Variants in VILL observed in about 807,000 individuals in gnomAD.
VILL encodes villin like.
VILL carries 102 observed loss-of-function variants against 106.3 expected under a neutral mutation model. The ratio of observed to expected loss-of-function variants is 0.96; its 90% CI spans 0.82 to 1.13. VILL has a LOEUF of 1.13. Ranked by LOEUF, VILL falls within the 50% of genes most tolerant of loss-of-function variation. The probability of loss-of-function intolerance (pLI) is 0.00; values close to 1 mark genes in which losing one functional copy is unlikely to be tolerated. For missense variants in VILL, 1,076 were observed against 1,116.6 expected (o/e 0.96, Z 0.52); for synonymous variants, 431 against 440.3 (o/e 0.98, Z 0.27).
chr3:38,004,790 G>A (rs1699884392), intron 16 of VILL, among the ~76,000 whole-genome samples: 1 of 152,214 alleles, frequency 6.6e-6, no homozygotes, highest in East Asian at 1.9e-4. Flanking sequence ...CTTGGTGTGA[G>A]TGTTTGCCTT....
rs1054919734 is a variant in VILL, at chr3:38,006,970, A to G, written c.2486A>G (p.Asp829Gly). 33 of 1,613,950 alleles carry G rather than the reference A, an allele frequency of 2.0e-5. No homozygotes were observed. The highest frequency in any genetic ancestry group is 2.5e-5 in the Non-Finnish European group (29 of 1,179,996). The stretch of plus-strand genomic sequence containing the variant: ...TATCTCTCAGACTCTGACTTCCAAG[A>G]TATCTTTGGGAAATCCAAGGAGGAA... Reference protein sequence around the residue: ...EFYLSDSDFQDIFGKSKEEFY... With the variant: ...EFYLSDSDFQGIFGKSKEEFY... The change falls in exon 20 of 20, where the codon GAT (aspartate) becomes GGT (glycine). Residue 829 changes from aspartate (D) to glycine (G), a missense_variant. By Grantham distance (94) the Asp-to-Gly change is moderately conservative. Transcript: ENST00000383759.
chr3:38,006,772 C>T (rs958895713), intron 19 of VILL, 72 bp downstream of exon 19: 14 of 1,546,464 alleles, frequency 9.1e-6, no homozygotes, highest in Non-Finnish European at 1.2e-5. Flanking sequence ...GCAGGATCCA[C>T]TGGTGGCGGG....
In VILL at chr3:37,999,428, G is replaced by A; in HGVS notation, c.1171G>A (p.Gly391Arg). 3 of 1,484,572 alleles carry A rather than the reference G, an allele frequency of 2.0e-6. No homozygotes were observed. Among genetic ancestry groups the A allele is most frequent in the Non-Finnish European group, 2.7e-6 (3 of 1,120,274 alleles). 92.0% of individuals were successfully genotyped at this position (1,484,572 alleles called of 1,614,324 possible). A position where few individuals can be genotyped will look rare whatever the true frequency, so the allele number is the denominator to read the frequency against. Residue 391 changes from glycine (G) to arginine (R), a missense_variant, in exon 11 of 20, where the codon GGG (glycine) becomes AGG (arginine). Physicochemically the swap from Gly to Arg is moderately radical, Grantham distance 125. Transcript: ENST00000383759. ...GCTCAGGATGGTGGACGACGGCTCT[G>A]GGAAGGTGGAGGTGAGGGGTACTGG... ...AQLRMVDDGS[G>R]KVEVWCIQDL...
intron 3 of VILL, 137 bp from the exon 4 acceptor site, chr3:37,994,124 A>G: frequency 7.2e-7 from 1 of 1,396,866 alleles, no homozygotes; most frequent in Non-Finnish European, 1.0e-6. Flanking sequence ...GAGGCTTCTT[A>G]GTCCTTCCCT....
rs768512651 is a variant in VILL, at chr3:37,998,409, G to C, written c.942+45G>C. On this transcript the variant is annotated intron_variant, in intron 9 of 19. Transcript: ENST00000383759. This position sits in a 1 kb window ranked among gnomAD's most constrained non-coding sequence, Gnocchi z 4.1. ...CTGAGAGGAACAGAGCACTGCCCTG[G>C]GGTCTGAGTGGGGAGGCAGCTCCGC... 5 of 1,572,478 alleles carry C rather than the reference G, an allele frequency of 3.2e-6. No individual in the cohort carries two copies. Among genetic ancestry groups the C allele is most frequent in the Non-Finnish European group, 4.4e-6 (5 of 1,143,576 alleles).
At position 38,001,533 on chromosome 3, in the gene VILL, C is replaced by T; in HGVS notation, c.1260C>T (p.Tyr420=). Residue 420 remains tyrosine, a synonymous_variant, in exon 12 of 20, where the codon TAC becomes TAT. Transcript: ENST00000383759. Reference sequence around the variant, plus strand: ...GACAGCTGTGTGCAGGCAACTGCTACCTTGTGCTCTACACATACCAGAGGC... The same window carrying T: ...GACAGCTGTGTGCAGGCAACTGCTATCTTGTGCTCTACACATACCAGAGGC... ...RHGQLCAGNC[Y]LVLYTYQRLG... is the part of the protein sequence containing the mutation. 1 of 1,614,240 alleles carries T rather than the reference C, an allele frequency of 6.2e-7. No individual in the cohort carries two copies.
At position 37,994,445 on chromosome 3, in the gene VILL, G is replaced by A; in HGVS notation, c.320G>A (p.Ser107Asn). The A allele has an allele frequency of 6.2e-7, 1 of 1,612,606 alleles. No homozygotes were observed. Among genetic ancestry groups the A allele is most frequent in the Non-Finnish European group, 8.5e-7 (1 of 1,179,846 alleles). ...AQGHESDCFC[S>N]YFRPGIIYRK... ...GGCCACGAGTCCGACTGCTTCTGCAGCTACTTCCGCCCGGGAATCATGTGA... is the reference window on the plus strand; with the variant it reads ...GGCCACGAGTCCGACTGCTTCTGCAACTACTTCCGCCCGGGAATCATGTGA... The change falls in exon 4 of 20, where the codon AGC becomes AAC. Residue 107 changes from serine to asparagine, a missense_variant. Ser to Asn is a conservative substitution (Grantham distance 46). Transcript: ENST00000383759.
chr3:37,993,359 G>T, intron 1 of VILL: 15 of 347,846 alleles, frequency 4.3e-5, no homozygotes, highest in Admixed American at 1.4e-4. Context: ...GGTGGAGGTT[G>T]CAGTGAAGTG....
In VILL at chr3:38,005,951, A is replaced by ACTC; in HGVS notation, c.2112_2113insCCT (p.Thr704_Trp705insPro). The ACTC allele has an allele frequency of 1.2e-6, 2 of 1,613,162 alleles. No homozygotes were observed. Among genetic ancestry groups the ACTC allele is most frequent in the Non-Finnish European group, 1.7e-6 (2 of 1,179,420 alleles). On this transcript the variant is annotated inframe_insertion, in exon 17 of 20. Transcript: ENST00000383759. ...TCCCACCTTCATTGGATGGTTCTTCACTTGGGACCCCTACAAGTGGACTGT... is the reference window on the plus strand; with the variant it reads ...TCCCACCTTCATTGGATGGTTCTTCACTCCTTGGGACCCCTACAAGTGGACTGT...
chr3:38,007,091 C>T lies in VILL; in HGVS notation c.*36C>T. On this transcript the variant is annotated 3_prime_UTR_variant, in exon 20 of 20. Transcript: ENST00000383759. ...TCTCGACTGCCCCTATCCCCTGGAC[C>T]CCAACATACCTACAATGCTGGGGAG... 6.5e-7 allele frequency: 1 copy of T among 1,544,512 alleles called. No homozygotes were observed. Among genetic ancestry groups the T allele is most frequent in the Non-Finnish European group, 8.9e-7 (1 of 1,118,438 alleles).
At chr3:37,995,080 A>G (rs957142682) in intron 4 of VILL, among the ~76,000 whole-genome samples, 2 of 152,204 alleles carry the variant, frequency 1.3e-5, no homozygotes, top group Admixed American at 6.5e-5. Flanking sequence ...TGTGTGGACA[A>G]ATGTTTTCAT....
chr3:37,988,642 C>T (rs928166302), upstream of VILL, among the ~76,000 whole-genome samples: 4 of 152,144 alleles, frequency 2.6e-5, no homozygotes, highest in Non-Finnish European at 5.9e-5. Flanking sequence ...GCCGGTGGAT[C>T]GCTGGAGGTC....
At chr3:38,001,975 TAG>T in intron 13 of VILL, 115 bp downstream of exon 13, 1 of 1,507,152 alleles carries the variant, frequency 6.6e-7, no homozygotes, top group South Asian at 1.2e-5. Flanking sequence ...TATCATCCCC[TAG>T]TTTCCCAGAG....
chr3:37,988,572 G>A (rs1418556163), upstream of VILL, among the ~76,000 whole-genome samples: 6 of 152,200 alleles, frequency 3.9e-5, no homozygotes, highest in East Asian at 3.8e-4. Flanking sequence ...ATACTTAAAA[G>A]TGGATACAGG....
intron 11 of VILL, among the ~76,000 whole-genome samples, chr3:38,000,368 A>C (rs1699790125): frequency 1.3e-5 from 2 of 151,636 alleles, no homozygotes; most frequent in Admixed American, 6.6e-5. Flanking sequence ...AGAGAGACAG[A>C]GAAGAAAAGA....
chr3:38,001,785 A>G lies in VILL; in HGVS notation c.1404A>G (p.Val468=), dbSNP rs140173624. The change falls in exon 13 of 20, where the codon GTA becomes GTG. Residue 468 remains valine, a synonymous_variant. Coordinates refer to ENST00000383759, the MANE Select transcript of VILL (RefSeq NM_015873.4). ...ATGTCATGTATGGTGGCGTCCTAGT[A>G]CAGGAGCATGTGACCATGGGCAGCG... ...ELDVMYGGVL[V]QEHVTMGSEP... is the part of the protein sequence containing the mutation. 1 of 1,614,132 alleles carries G rather than the reference A, an allele frequency of 6.2e-7. No homozygotes were observed. Among genetic ancestry groups the G allele is most frequent in the Non-Finnish European group, 8.5e-7 (1 of 1,179,966 alleles).
intron 15 of VILL, 68 bp downstream of exon 15, chr3:38,003,381 G>A: frequency 6.7e-7 from 1 of 1,490,054 alleles, no homozygotes. Flanking sequence ...GAGGGTGGGT[G>A]ACTGGGATTC....
chr3:37,997,333 C>A lies in VILL; in HGVS notation c.561+146C>A. 8.7e-7 allele frequency: 1 copy of A among 1,154,382 alleles called. No homozygotes were observed. The highest frequency in any genetic ancestry group is 1.2e-6 in the Non-Finnish European group (1 of 803,362). The allele number at this position is 1,154,382 out of a possible 1,614,324, so 71.5% of individuals were successfully genotyped here. A position where few individuals can be genotyped will look rare whatever the true frequency, so the allele number is the denominator to read the frequency against. ...TATGAGTTACAAGCTGAGTTCAGACCCTGCATTGTTGGTGTCCCCCTGGAT... is the reference window on the plus strand; with the variant it reads ...TATGAGTTACAAGCTGAGTTCAGACACTGCATTGTTGGTGTCCCCCTGGAT... On this transcript the variant is annotated intron_variant, in intron 6 of 19. Transcript: ENST00000383759. The surrounding 1 kb of genome is among the most constrained non-coding windows in gnomAD (Gnocchi z 4.7).
At position 37,999,126 on chromosome 3, in the gene VILL, G is replaced by T. The variant is rs543954088; in HGVS notation, c.1081+76G>T. ...GGGGCCTGGCAGGAATCGGCAACTC[G>T]TTGGGATGGGTGAGCGGGCGGGGCG... On this transcript the variant is annotated intron_variant, in intron 10 of 19. Transcript: ENST00000383759. The T allele has an allele frequency of 8.1e-5, 69 of 853,964 alleles. 1 individual carries two copies. The African/African-American group carries it at 1.3e-3, about 16-fold the overall frequency. The allele number at this position is 853,964 out of a possible 1,614,324, so 52.9% of individuals were successfully genotyped here.
Sources: gnomAD v4.1 joint callset for allele counts (sites outside exome capture counted in the v4.1 genomes callset) on GRCh38, gnomAD v4.1.1 for gene constraint, Gnocchi (gnomAD v3.1) non-coding constraint, MANE v1.5 for transcripts, NCBI Gene and HGNC (gene_info 2026-07-23, HGNC 2026-07-21) for gene names.